The following DACH1 variants were observed in gnomAD, a reference collection of about 807,000 sequenced individuals.
The protein encoded by DACH1 is dachshund family transcription factor 1.
DACH1 carries 12 observed loss-of-function variants against 54.2 expected under a neutral mutation model. The observed-to-expected ratio is 0.22, with a 90% CI of 0.14 to 0.36. DACH1 has a LOEUF of 0.36. Among genes scored for constraint, DACH1 ranks in the 10% least tolerant of loss-of-function variants. The pLI, the probability that DACH1 is intolerant of heterozygous loss-of-function variation, is 1.00. For synonymous variants in DACH1, 386 were observed against 366.2 expected, an observed-to-expected ratio of 1.05 and a Z score of -0.62; for missense variants, 805 against 929.8, an observed-to-expected ratio of 0.87 and a Z score of 1.75.
At position 71,614,495 on chromosome 13, in the gene DACH1, A is replaced by G. The variant is rs189742029; in HGVS notation, c.1126+16061T>C. On this transcript the variant is annotated intron_variant, in intron 3 of 10. Coordinates refer to ENST00000613252, the MANE Select transcript of DACH1 (RefSeq NM_080759.6). ...AGTTACTATTAAACACACATATATG[A>G]TGGGGAAAAGTGACACCAAGGCTAA... Among the ~76,000 whole-genome samples, 6 of 152,236 alleles carry G rather than the reference A, an allele frequency of 3.9e-5. No individual in the cohort carries two copies. The East Asian group carries it at 7.7e-4, about 20-fold the overall frequency.
intron 1 of DACH1, among the ~76,000 whole-genome samples, chr13:71,780,320 T>C (rs573006920): frequency 6.6e-6 from 1 of 152,264 alleles, no homozygotes; most frequent in South Asian, 2.1e-4. Context: ...GATATTAACA[T>C]TTTTATGTGA....
intron 1 of DACH1, among the ~76,000 whole-genome samples, chr13:71,862,121 C>G (rs1277582789): frequency 2.6e-5 from 4 of 151,592 alleles, no homozygotes; most frequent in African/African-American, 9.7e-5. Context: ...AGTTAAAAAC[C>G]CCTCAAATCT....
chr13:71,601,484 T>C (rs1874490188), intron 3 of DACH1, among the ~76,000 whole-genome samples: 2 of 152,066 alleles, frequency 1.3e-5, no homozygotes, highest in Admixed American at 1.3e-4. Flanking sequence ...TTGCCTTGTA[T>C]TGTTCTAGTT....
In DACH1 at chr13:71,665,607, C is replaced by T. The variant is rs147566661; in HGVS notation, c.964+16188G>A. On this transcript the variant is annotated intron_variant, in intron 2 of 10. Coordinates refer to ENST00000613252, the MANE Select transcript of DACH1 (RefSeq NM_080759.6). ...TACATGTCCAATACATGCAGTGGTG[C>T]TGTAAGAAGTTTCTGAAATTAGGAT... Among the ~76,000 whole-genome samples, 1,503 of 152,106 alleles carry T rather than the reference C, an allele frequency of 9.9e-3. 21 individuals carry two copies. Among genetic ancestry groups the T allele is most frequent in the Non-Finnish European group, 0.015 (1,025 of 67,902 alleles).
intron 2 of DACH1, among the ~76,000 whole-genome samples, chr13:71,658,871 T>A (rs773671636): frequency 1.3e-5 from 2 of 151,960 alleles, no homozygotes; most frequent in Non-Finnish European, 2.9e-5. Flanking sequence ...TCCTTGATAA[T>A]TGCACACATT....
intron 1 of DACH1, among the ~76,000 whole-genome samples, chr13:71,831,208 T>G (rs1231908694): frequency 6.6e-6 from 1 of 151,930 alleles, no homozygotes; most frequent in Non-Finnish European, 1.5e-5. Context: ...GTGGCTACTA[T>G]TTCCTCAGTA....
intron 3 of DACH1, among the ~76,000 whole-genome samples, chr13:71,613,165 T>C (rs1875464056): frequency 6.6e-6 from 1 of 152,082 alleles, no homozygotes; most frequent in Non-Finnish European, 1.5e-5. Flanking sequence ...GACTGGAAAA[T>C]GAGTAGGAAT....
chr13:71,662,627 C>T (rs1302957085), intron 2 of DACH1, among the ~76,000 whole-genome samples: 1 of 151,980 alleles, frequency 6.6e-6, no homozygotes, highest in Non-Finnish European at 1.5e-5. Context: ...ATTCATTAAT[C>T]AGTCAGTGAT....
chr13:71,510,555 C>T (rs984568328), intron 6 of DACH1, among the ~76,000 whole-genome samples: 2 of 151,934 alleles, frequency 1.3e-5, no homozygotes, highest in Non-Finnish European at 2.9e-5. Context: ...GTTACAAAGA[C>T]ATAGATTTAT....
chr13:71,490,598 T>C (rs996218734), intron 6 of DACH1, among the ~76,000 whole-genome samples: 22 of 152,202 alleles, frequency 1.4e-4, no homozygotes, highest in Non-Finnish European at 2.4e-4. Flanking sequence ...AGGACTCATG[T>C]TATTTTTCTT....
intron 3 of DACH1, among the ~76,000 whole-genome samples, chr13:71,576,561 G>T (rs1475064418): frequency 6.6e-6 from 1 of 152,106 alleles, no homozygotes; most frequent in Non-Finnish European, 1.5e-5. Context: ...TTTAAATGCA[G>T]AAATATATCC....
intron 6 of DACH1, among the ~76,000 whole-genome samples, chr13:71,553,151 T>C (rs1302276814): frequency 3.7e-5 from 4 of 108,416 alleles, no homozygotes; most frequent in Admixed American, 1.0e-4. Context: ...TATCCATATA[T>C]GTATATTAGA....
chr13:71,513,415 T>A (rs1365266277), intron 6 of DACH1, among the ~76,000 whole-genome samples: 1 of 151,974 alleles, frequency 6.6e-6, no homozygotes, highest in Non-Finnish European at 1.5e-5. Flanking sequence ...TAACAAAAAA[T>A]TCAAGTGATG....
intron 1 of DACH1, among the ~76,000 whole-genome samples, chr13:71,779,503 T>G (rs2138061470): frequency 6.6e-6 from 1 of 151,644 alleles, no homozygotes; most frequent in Non-Finnish European, 1.5e-5. Flanking sequence ...ACACATTAAT[T>G]TCTCTGGACC....
chr13:71,729,210 AT>A (rs1256656376), intron 1 of DACH1, among the ~76,000 whole-genome samples: 1 of 151,988 alleles, frequency 6.6e-6, no homozygotes, highest in African/African-American at 2.4e-5. Flanking sequence ...GTGCACATTT[AT>A]TTTGAATAAA....
intron 3 of DACH1, among the ~76,000 whole-genome samples, chr13:71,579,716 A>G (rs1221471759): frequency 6.6e-6 from 1 of 152,140 alleles, no homozygotes; most frequent in African/African-American, 2.4e-5. Flanking sequence ...TAAATTTCAG[A>G]AAGTTTTGAT....
intron 3 of DACH1, among the ~76,000 whole-genome samples, chr13:71,623,282 AAAT>A (rs1348971738): frequency 2.0e-5 from 3 of 151,764 alleles, no homozygotes; most frequent in African/African-American, 7.2e-5. Context: ...AATTTCTAGA[AAAT>A]AATGAAAAAG....
At chr13:71,647,371 T>A (rs749532159) in intron 2 of DACH1, among the ~76,000 whole-genome samples, 2 of 152,216 alleles carry the variant, frequency 1.3e-5, no homozygotes, top group Non-Finnish European at 2.9e-5. Context: ...AGGAAATCAA[T>A]GATGTCTAGA....
chr13:71,758,188 C>T (rs1885248802), intron 1 of DACH1, among the ~76,000 whole-genome samples: 1 of 151,916 alleles, frequency 6.6e-6, no homozygotes, highest in Admixed American at 6.6e-5. Flanking sequence ...AACATTTGTC[C>T]AGAGAAATTG....
Sources: gnomAD v4.1 joint callset for allele counts (sites outside exome capture counted in the v4.1 genomes callset) on GRCh38, gnomAD v4.1.1 for gene constraint, MANE v1.5 for transcripts, NCBI Gene and HGNC (gene_info 2026-07-23, HGNC 2026-07-21) for gene names.